The following HSD17B4 variants were observed in gnomAD, a reference collection of about 807,000 sequenced individuals.
HSD17B4 encodes hydroxysteroid 17-beta dehydrogenase 4.
A neutral mutation model predicts 101.0 loss-of-function variants in HSD17B4; 70 were observed. That is an observed-to-expected ratio of 0.69 (90% CI 0.57 to 0.85). HSD17B4 has a LOEUF of 0.85. Among genes scored for constraint, HSD17B4 ranks in the 40% least tolerant of loss-of-function variants. The pLI is 0.00. For missense variants in HSD17B4, 984 were observed against 892.4 expected (o/e 1.10, Z -1.31); for synonymous variants, 347 against 297.1 (o/e 1.17, Z -1.73).
chr5:119,539,748 A>G (rs964791952), intron 23 of HSD17B4, among the ~76,000 whole-genome samples: 1 of 151,974 alleles, frequency 6.6e-6, no homozygotes, highest in Non-Finnish European at 1.5e-5. Flanking sequence ...AGAAAATAGT[A>G]TTTTTAAGGT....
At chr5:119,516,113 A>T (rs574132011) in intron 17 of HSD17B4, among the ~76,000 whole-genome samples, 1 of 152,212 alleles carries the variant, frequency 6.6e-6, no homozygotes, top group Non-Finnish European at 1.5e-5. Context: ...AGAGAATTAA[A>T]GTTGGTACAT....
chr5:119,526,162 A>G, intron 19 of HSD17B4, 139 bp downstream of exon 19: 3 of 659,996 alleles, frequency 4.5e-6, no homozygotes, highest in Admixed American at 2.2e-5. Flanking sequence ...TGACCTGGCA[A>G]TCAGCACACT....
At position 119,502,083 on chromosome 5, in the gene HSD17B4, C is replaced by T. The variant is rs1047356437; in HGVS notation, c.1252C>T (p.Pro418Ser). Residue 418 changes from proline (P) to serine (S), a missense_variant, in exon 14 of 24, where the codon CCC becomes TCC. By Grantham distance (74) the Pro-to-Ser change is moderately conservative. Transcript: ENST00000510025. ...EQYLELYKPL[P>S]RAGKLKCEAV... Reference sequence around the variant, plus strand: ...GTACTTAGAGTTATATAAACCACTTCCCAGAGCAGGTGAGTTATTGATATA... The same window carrying T: ...GTACTTAGAGTTATATAAACCACTTTCCAGAGCAGGTGAGTTATTGATATA... The T allele has an allele frequency of 1.3e-6, 2 of 1,598,800 alleles. No individual in the cohort carries two copies. The highest frequency in any genetic ancestry group is 1.7e-5 in the Admixed American group (1 of 59,934).
chr5:119,479,718 C>T (rs1360843753), intron 8 of HSD17B4, among the ~76,000 whole-genome samples: 1 of 152,084 alleles, frequency 6.6e-6, no homozygotes, highest in Non-Finnish European at 1.5e-5. Flanking sequence ...GAATGTACTA[C>T]AATTTGTTTA....
In HSD17B4 at chr5:119,507,799, T is replaced by A. The variant is rs971519228; in HGVS notation, c.1333+910T>A. Among the ~76,000 whole-genome samples, 8 of 150,868 alleles carry A rather than the reference T, an allele frequency of 5.3e-5. No homozygotes were observed. In the East Asian group the frequency reaches 7.8e-4, roughly 15 times the overall value. On this transcript the variant is annotated intron_variant, in intron 15 of 23. Transcript: ENST00000510025. ...ACTCTGTACCAAAAAAAAAAAAAAATTTGTACATTTTATAAATTAAATTTT... is the reference window on the plus strand; with the variant it reads ...ACTCTGTACCAAAAAAAAAAAAAAAATTGTACATTTTATAAATTAAATTTT...
At chr5:119,501,055 A>T (rs1489374398) in intron 13 of HSD17B4, among the ~76,000 whole-genome samples, 1 of 152,130 alleles carries the variant, frequency 6.6e-6, no homozygotes, top group Non-Finnish European at 1.5e-5. Context: ...TGGGAGGAAG[A>T]CAAGAAATAT....
intron 16 of HSD17B4, among the ~76,000 whole-genome samples, chr5:119,513,869 A>G (rs953458733): frequency 2.6e-5 from 4 of 152,196 alleles, no homozygotes; most frequent in Admixed American, 2.0e-4. Context: ...TGCCCTTTGT[A>G]TACATGGCAT....
At chr5:119,515,791 G>A (rs1752558232) in intron 17 of HSD17B4, among the ~76,000 whole-genome samples, 1 of 152,130 alleles carries the variant, frequency 6.6e-6, no homozygotes, top group Admixed American at 6.5e-5. Flanking sequence ...ACAGCAAATT[G>A]TTCAGAAAGG....
intron 8 of HSD17B4, chr5:119,487,519 A>T (rs1358855685): frequency 6.6e-6 from 1 of 152,040 alleles, no homozygotes; most frequent in Non-Finnish European, 1.5e-5. Context: ...ATTGAGTTTA[A>T]TAGATGCTGG....
intron 16 of HSD17B4, among the ~76,000 whole-genome samples, chr5:119,512,795 G>A (rs915003641): frequency 1.3e-5 from 2 of 152,176 alleles, no homozygotes; most frequent in Non-Finnish European, 2.9e-5. Context: ...GAGTCAGAAA[G>A]TAGGTTAGAT....
At chr5:119,484,682 T>G (rs567158573) in intron 8 of HSD17B4, among the ~76,000 whole-genome samples, 2 of 152,188 alleles carry the variant, frequency 1.3e-5, no homozygotes, top group Non-Finnish European at 2.9e-5. Flanking sequence ...CACAAATACT[T>G]ATGGTACCAT....
intron 2 of HSD17B4, among the ~76,000 whole-genome samples, chr5:119,470,672 C>T (rs1407416317): frequency 1.3e-5 from 2 of 152,184 alleles, no homozygotes; most frequent in African/African-American, 2.4e-5. Context: ...TTCTGTGCCT[C>T]AGAGGGTTTT....
At chr5:119,474,495 A>G in intron 4 of HSD17B4, 35 bp downstream of exon 4, 2 of 1,221,072 alleles carry the variant, frequency 1.6e-6, no homozygotes, top group African/African-American at 1.5e-5. Flanking sequence ...CTTGTGGAGC[A>G]ACTTCTACCT....
At chr5:119,500,792 T>C (rs1317160567) in intron 13 of HSD17B4, among the ~76,000 whole-genome samples, 1 of 151,904 alleles carries the variant, frequency 6.6e-6, no homozygotes, top group African/African-American at 2.4e-5. Flanking sequence ...AATAGGGTAT[T>C]TGAGAAGCCA....
At chr5:119,515,759 C>T (rs963261592) in intron 17 of HSD17B4, among the ~76,000 whole-genome samples, 2 of 152,060 alleles carry the variant, frequency 1.3e-5, no homozygotes, top group Non-Finnish European at 2.9e-5. Flanking sequence ...TCTGGAGTAA[C>T]GCAGTGTGTG....
intron 2 of HSD17B4, among the ~76,000 whole-genome samples, chr5:119,463,973 T>G (rs1285045129): frequency 6.6e-6 from 1 of 152,126 alleles, no homozygotes; most frequent in Admixed American, 6.5e-5. Context: ...ACCTGGCCAT[T>G]GAGAAATGCC....
chr5:119,488,712 A>G (rs993318791), intron 8 of HSD17B4, among the ~76,000 whole-genome samples: 11 of 152,282 alleles, frequency 7.2e-5, no homozygotes, highest in Non-Finnish European at 1.3e-4. Flanking sequence ...TTCAAGGTCT[A>G]TTTCAATCAT....
At chr5:119,507,028 A>G in intron 15 of HSD17B4, 139 bp downstream of exon 15, 1 of 546,764 alleles carries the variant, frequency 1.8e-6, no homozygotes, top group Non-Finnish European at 3.3e-6. Flanking sequence ...GCATTTTTAA[A>G]CTCTTTAAGA....
At chr5:119,460,037 AT>A (rs56336192) in intron 2 of HSD17B4, among the ~76,000 whole-genome samples, 32 of 146,908 alleles carry the variant, frequency 2.2e-4, no homozygotes, top group East Asian at 4.0e-4. Flanking sequence ...TGCCCAGCTA[AT>A]TTTTTTTTTT....
Sources: allele counts gnomAD v4.1 joint callset (sites outside exome capture counted in the v4.1 genomes callset), GRCh38; gene constraint gnomAD v4.1.1; transcripts MANE v1.5; gene names NCBI Gene and HGNC (gene_info 2026-07-23, HGNC 2026-07-21).